ITFG1: variants seen among roughly 807,000 people sequenced by gnomAD.
The protein encoded by ITFG1 is T-cell immunomodulatory protein.
In ITFG1, 34 loss-of-function variants were observed where a neutral mutation model predicts 81.8. That is an observed-to-expected ratio of 0.42 (90% CI 0.32 to 0.55). The LOEUF (loss-of-function observed/expected upper bound fraction) is 0.55, where lower values mean the gene tolerates loss of function less well. Among genes scored for constraint, ITFG1 ranks in the 20% least tolerant of loss-of-function variants. The pLI is 0.17. For missense variants in ITFG1, 672 were observed against 755.4 expected (o/e 0.89, Z 1.29); for synonymous variants, 285 against 270.6 (o/e 1.05, Z -0.52).
chr16:47,322,987 T>C (rs1011046091), intron 8 of ITFG1, among the ~76,000 whole-genome samples: 1 of 152,100 alleles, frequency 6.6e-6, no homozygotes, highest in Non-Finnish European at 1.5e-5. Context: ...ATAAATATTT[T>C]TGTTATTTAA....
intron 14 of ITFG1, among the ~76,000 whole-genome samples, chr16:47,208,619 A>G (rs1437282174): frequency 6.6e-6 from 1 of 152,216 alleles, no homozygotes; most frequent in Non-Finnish European, 1.5e-5. Flanking sequence ...TCTGTTGGCA[A>G]CCATAAGAAG....
chr16:47,240,362 A>G (rs1037425070), intron 12 of ITFG1, among the ~76,000 whole-genome samples: 4 of 151,896 alleles, frequency 2.6e-5, no homozygotes, highest in African/African-American at 4.8e-5. Flanking sequence ...GGTTACTTGG[A>G]AAAAAATAAA....
intron 6 of ITFG1, among the ~76,000 whole-genome samples, chr16:47,409,680 G>A (rs936253674): frequency 3.3e-5 from 5 of 150,662 alleles, no homozygotes; most frequent in Admixed American, 1.3e-4. Flanking sequence ...GCCTCCCAAA[G>A]TTCTGGGATT....
chr16:47,440,785 G>A (rs1209243623), intron 5 of ITFG1, among the ~76,000 whole-genome samples: 1 of 152,070 alleles, frequency 6.6e-6, no homozygotes, highest in Non-Finnish European at 1.5e-5. Context: ...AACTAGAGAA[G>A]CAAGAGCAAA....
At chr16:47,444,163 T>G (rs1182848794) in intron 5 of ITFG1, among the ~76,000 whole-genome samples, 2 of 152,220 alleles carry the variant, frequency 1.3e-5, no homozygotes, top group Non-Finnish European at 2.9e-5. Context: ...CAATGTATAT[T>G]GTAGGACACA....
At chr16:47,379,283 G>A (rs1208208198) in intron 6 of ITFG1, among the ~76,000 whole-genome samples, 1 of 152,076 alleles carries the variant, frequency 6.6e-6, no homozygotes, top group Non-Finnish European at 1.5e-5. Flanking sequence ...CACTGGTTTT[G>A]ACTCTAAAAT....
At chr16:47,183,367 C>T (rs1965159782) in intron 14 of ITFG1, among the ~76,000 whole-genome samples, 1 of 152,202 alleles carries the variant, frequency 6.6e-6, no homozygotes, top group Admixed American at 6.5e-5. Flanking sequence ...CCTCTGCAGA[C>T]TTAAATGTCC....
intron 13 of ITFG1, among the ~76,000 whole-genome samples, chr16:47,223,906 TC>T (rs1965726022): frequency 6.6e-6 from 1 of 152,126 alleles, no homozygotes. Flanking sequence ...TGAGTTCATG[TC>T]CTTTGTAGGG....
At chr16:47,207,655 A>T (rs937624429) in intron 14 of ITFG1, among the ~76,000 whole-genome samples, 9 of 152,338 alleles carry the variant, frequency 5.9e-5, no homozygotes, top group Non-Finnish European at 8.8e-5. Flanking sequence ...TAACAGATGC[A>T]GAGTTAAGAA....
rs191244660 is a variant in ITFG1 at position 47,276,100 on chromosome 16, C to A, written c.1071-15405G>T. 3.3e-5 allele frequency among the ~76,000 whole-genome samples: 5 copies of A among 152,144 alleles called. No homozygotes were observed. The East Asian group carries it at 9.7e-4, about 29-fold the overall frequency. ...AAAGAAAGAAGAGATACAATACTTA[C>A]ATAGCAAGAGATCATTTTTATTTTC... On this transcript the variant is annotated intron_variant, in intron 10 of 17. Coordinates refer to ENST00000320640, the MANE Select transcript of ITFG1 (RefSeq NM_030790.5).
At chr16:47,162,258 A>T (rs1328355290) in intron 15 of ITFG1, among the ~76,000 whole-genome samples, 2 of 152,012 alleles carry the variant, frequency 1.3e-5, no homozygotes, top group Non-Finnish European at 2.9e-5. Context: ...TGTACACGTT[A>T]GGTGGTGAAA....
At chr16:47,268,070 T>A (rs952062560) in intron 10 of ITFG1, among the ~76,000 whole-genome samples, 2 of 150,356 alleles carry the variant, frequency 1.3e-5, no homozygotes, top group Admixed American at 6.6e-5. Context: ...AGGAAAAAAA[T>A]AGAGAAAAAT....
At chr16:47,432,999 T>C (rs1024736988) in intron 5 of ITFG1, among the ~76,000 whole-genome samples, 4 of 152,216 alleles carry the variant, frequency 2.6e-5, no homozygotes, top group Admixed American at 2.0e-4. Context: ...CAGACTTTTA[T>C]AGAGTAAAGC....
chr16:47,411,120 A>G (rs1166680922), intron 6 of ITFG1, among the ~76,000 whole-genome samples: 3 of 152,228 alleles, frequency 2.0e-5, no homozygotes, highest in African/African-American at 7.2e-5. Flanking sequence ...AGGTGAGAGC[A>G]CACAGCTCAG....
chr16:47,400,497 C>T (rs1051898029), intron 6 of ITFG1, among the ~76,000 whole-genome samples: 2 of 151,098 alleles, frequency 1.3e-5, no homozygotes, highest in Non-Finnish European at 2.9e-5. Context: ...CACCACTAGA[C>T]ACCAGCATTG....
At chr16:47,382,068 G>T (rs767480585) in intron 6 of ITFG1, among the ~76,000 whole-genome samples, 18 of 152,126 alleles carry the variant, frequency 1.2e-4, no homozygotes, top group Non-Finnish European at 2.6e-4. Context: ...AATTGTTGTT[G>T]TTACAGAAAT....
chr16:47,338,179 G>A (rs1310780013), intron 8 of ITFG1, among the ~76,000 whole-genome samples: 1 of 152,220 alleles, frequency 6.6e-6, no homozygotes, highest in Admixed American at 6.5e-5. Flanking sequence ...GGAGTCTGAG[G>A]TGGGTGGATC....
chr16:47,459,763 G>T (rs1969501602), intron 1 of ITFG1, among the ~76,000 whole-genome samples: 1 of 152,180 alleles, frequency 6.6e-6, no homozygotes, highest in African/African-American at 2.4e-5. Context: ...ATCAAACACA[G>T]GCCATCTTTA....
intron 14 of ITFG1, among the ~76,000 whole-genome samples, chr16:47,217,817 C>T (rs1004753004): frequency 4.0e-5 from 6 of 151,886 alleles, no homozygotes; most frequent in South Asian, 4.2e-4. Flanking sequence ...CCCAGCTGCT[C>T]GGGAGGCTGA....
Sources: allele counts gnomAD v4.1 joint callset (sites outside exome capture counted in the v4.1 genomes callset), GRCh38; gene constraint gnomAD v4.1.1; transcripts MANE v1.5; gene names NCBI Gene and HGNC (gene_info 2026-07-23, HGNC 2026-07-21).